TMEM245: variants seen among roughly 807,000 people sequenced by gnomAD.
The protein encoded by TMEM245 is protein CG-2.
TMEM245 carries 69 observed loss-of-function variants against 101.2 expected under a neutral mutation model. The ratio of observed to expected loss-of-function variants is 0.68; its 90% CI spans 0.56 to 0.83. The LOEUF (loss-of-function observed/expected upper bound fraction) is 0.83. Ranked by LOEUF, TMEM245 falls within the 40% of genes least tolerant of loss-of-function variation. TMEM245 has a pLI of 0.00. For synonymous variants in TMEM245, 537 were observed against 449.8 expected, an observed-to-expected ratio of 1.19 and a Z score of -2.45; for missense variants, 1,075 against 1,092.8, an observed-to-expected ratio of 0.98 and a Z score of 0.23.
At chr9:109,084,145 A>G (rs1588061389) in intron 7 of TMEM245, among the ~76,000 whole-genome samples, 1 of 152,102 alleles carries the variant, frequency 6.6e-6, no homozygotes, top group East Asian at 1.9e-4. Flanking sequence ...TTACATTTCA[A>G]TTAACCCATG....
In TMEM245 at chr9:109,119,336, C is replaced by A; in HGVS notation, c.578G>T (p.Trp193Leu). ...CRGLDYFSSLWIWTLVVGYVL... is the reference protein window; with the variant it reads ...CRGLDYFSSLLIWTLVVGYVL... ...GGGGGCGGACTGCCGCTCACTCACC[C>A]ACAGGCTGCTGAAGTAGTCCAGCCC... is the stretch of plus-strand genomic sequence containing the variant. The change falls in exon 1 of 18, where the codon TGG becomes TTG. Residue 193 changes from tryptophan (W) to leucine (L), a missense_variant and splice_region_variant. Around this residue, in one of 2 missense-constraint regions of TMEM245, gnomAD observed 808 missense variants for 741.5 expected, o/e 1.09. Transcript: ENST00000374586. 1.3e-6 allele frequency: 2 copies of A among 1,529,364 alleles called. No homozygotes were observed. Among genetic ancestry groups the A allele is most frequent in the Non-Finnish European group, 8.8e-7 (1 of 1,142,418 alleles). The allele number at this position is 1,529,364 out of a possible 1,614,324, so 94.7% of individuals were successfully genotyped here.
intron 17 of TMEM245, among the ~76,000 whole-genome samples, chr9:109,028,527 T>G (rs1827856224): frequency 6.6e-6 from 1 of 152,022 alleles, no homozygotes; most frequent in South Asian, 2.1e-4. Flanking sequence ...TCAAAAAATT[T>G]CTGATTCTGG....
chr9:109,066,452 CAAAA>C (rs386415818), intron 9 of TMEM245, among the ~76,000 whole-genome samples: 6 of 52,484 alleles, frequency 1.1e-4, no homozygotes, highest in African/African-American at 2.3e-4. Context: ...AAGACTGTCT[CAAAA>C]AAAAAAAAAA....
At position 109,114,411 on chromosome 9, in the gene TMEM245, T is replaced by C. The variant is rs532498870; in HGVS notation, c.579+4924A>G. On this transcript the variant is annotated intron_variant, in intron 1 of 17. Coordinates refer to ENST00000374586, the MANE Select transcript of TMEM245 (RefSeq NM_032012.4). ...TCCACTGCTGAAGAGCCTCTTGTGA[T>C]GTGTAAAATAGAACATCGTGAAATC... Among the ~76,000 whole-genome samples, 18 of 152,306 alleles carry C rather than the reference T, an allele frequency of 1.2e-4. No individual in the cohort carries two copies. The East Asian group carries it at 3.3e-3, about 28-fold the overall frequency.
intron 11 of TMEM245, among the ~76,000 whole-genome samples, chr9:109,058,325 C>T (rs543934167): frequency 7.3e-5 from 11 of 151,572 alleles, no homozygotes; most frequent in African/African-American, 2.7e-4. Flanking sequence ...TTTTAATTTA[C>T]CATACAAGGT....
chr9:109,058,955 G>A (rs915639386), intron 11 of TMEM245, among the ~76,000 whole-genome samples: 1 of 152,080 alleles, frequency 6.6e-6, no homozygotes, highest in Admixed American at 6.6e-5. Flanking sequence ...CTGGATTTTG[G>A]TACCAGAGGG....
intron 1 of TMEM245, among the ~76,000 whole-genome samples, chr9:109,116,148 G>C (rs1015443260): frequency 6.6e-6 from 1 of 152,156 alleles, no homozygotes; most frequent in Non-Finnish European, 1.5e-5. Context: ...ACAGGGATTC[G>C]CTTAAAGGTA....
At chr9:109,073,318 C>T (rs781708254) in intron 9 of TMEM245, 38 bp downstream of exon 9, 6 of 1,463,088 alleles carry the variant, frequency 4.1e-6, no homozygotes, top group Middle Eastern at 1.7e-4. Context: ...TGAAACTAGG[C>T]CATTCATCTC....
chr9:109,065,257 T>C (rs2132454770), intron 9 of TMEM245, among the ~76,000 whole-genome samples: 1 of 152,258 alleles, frequency 6.6e-6, no homozygotes, highest in East Asian at 1.9e-4. Context: ...CAAAGTGTGG[T>C]CCACAAACCA....
chr9:109,063,471 G>T (rs1226374690), intron 10 of TMEM245, among the ~76,000 whole-genome samples: 1 of 151,934 alleles, frequency 6.6e-6, no homozygotes, highest in African/African-American at 2.4e-5. Flanking sequence ...TATTTTTTTA[G>T]ATTTTGTTTT....
In TMEM245 at chr9:109,098,903, G is replaced by C. The variant is rs561156547; in HGVS notation, c.800-5312C>G. Among the ~76,000 whole-genome samples the C allele has an allele frequency of 2.0e-5, 3 of 152,312 alleles. No individual in the cohort carries two copies. In the South Asian group the frequency reaches 6.2e-4, roughly 32 times the overall value. On this transcript the variant is annotated intron_variant, in intron 3 of 17. Coordinates refer to ENST00000374586, the MANE Select transcript of TMEM245 (RefSeq NM_032012.4). ...CTCAGAGTCCGGCACACAAGAAAGAGACCACAGGTCAGACAGTGTCTGTTA... is the reference window on the plus strand; with the variant it reads ...CTCAGAGTCCGGCACACAAGAAAGACACCACAGGTCAGACAGTGTCTGTTA...
At chr9:109,069,200 T>A (rs1000040236) in intron 9 of TMEM245, among the ~76,000 whole-genome samples, 5 of 152,164 alleles carry the variant, frequency 3.3e-5, no homozygotes, top group African/African-American at 1.2e-4. Context: ...GCTCAGATTG[T>A]GTGCCTTTGA....
chr9:109,108,563 G>A lies in TMEM245; in HGVS notation c.587C>T (p.Thr196Met), dbSNP rs1470125557. 1.9e-6 allele frequency: 3 copies of A among 1,591,308 alleles called. No homozygotes were observed. Among genetic ancestry groups the A allele is most frequent in the Non-Finnish European group, 1.7e-6 (2 of 1,171,604 alleles). Residue 196 changes from threonine (T) to methionine (M), a missense_variant, in exon 2 of 18, where the codon ACG (threonine) becomes ATG (methionine). Physicochemically the swap from Thr to Met is moderately conservative, Grantham distance 81. Around this residue, in one of 2 missense-constraint regions of TMEM245, gnomAD observed 808 missense variants for 741.5 expected, o/e 1.09. Coordinates refer to ENST00000374586, the MANE Select transcript of TMEM245 (RefSeq NM_032012.4). The part of the protein sequence containing the change: ...LDYFSSLWIW[T>M]LVVGYVLTVS... ...AGTCAACACATAGCCAACCACCAAC[G>A]TCCAGATCTTAAATAAATGAAAGAC...
intron 5 of TMEM245, 137 bp downstream of exon 5, chr9:109,090,785 A>T: frequency 1.4e-6 from 1 of 723,908 alleles, no homozygotes; most frequent in Non-Finnish European, 2.2e-6. Context: ...GTGTTTGTTT[A>T]CTATTTAAAT....
intron 7 of TMEM245, among the ~76,000 whole-genome samples, chr9:109,083,435 T>C (rs777075194): frequency 1.1e-4 from 16 of 152,278 alleles, no homozygotes; most frequent in Admixed American, 5.2e-4. Flanking sequence ...CCCCAATCTT[T>C]CCATGCTGAA....
chr9:109,108,361 CA>C, intron 2 of TMEM245, 91 bp downstream of exon 2: 1 of 548,926 alleles, frequency 1.8e-6, no homozygotes, highest in Non-Finnish European at 3.1e-6. Flanking sequence ...CAACATATGA[CA>C]CTACAAAAAA....
chr9:109,109,086 C>T (rs535466139), intron 1 of TMEM245, among the ~76,000 whole-genome samples: 1 of 152,122 alleles, frequency 6.6e-6, no homozygotes, highest in Admixed American at 6.5e-5. Context: ...TGAAGTGTGA[C>T]CCTGCTGAAA....
chr9:109,076,021 T>C (rs1002068448), intron 8 of TMEM245, among the ~76,000 whole-genome samples: 6 of 152,230 alleles, frequency 3.9e-5, no homozygotes, highest in African/African-American at 9.6e-5. Context: ...CCCACAAATT[T>C]TGATATGCAG....
chr9:109,103,094 T>C (rs1033507892), intron 3 of TMEM245, among the ~76,000 whole-genome samples: 1 of 152,218 alleles, frequency 6.6e-6, no homozygotes, highest in Non-Finnish European at 1.5e-5. Flanking sequence ...AACTTTGTAC[T>C]AGAAATTCCA....
Sources: allele counts gnomAD v4.1 joint callset (sites outside exome capture counted in the v4.1 genomes callset), GRCh38; gene constraint gnomAD v4.1.1; regional missense constraint gnomAD v4.1.1; transcripts MANE v1.5; gene names NCBI Gene and HGNC (gene_info 2026-07-23, HGNC 2026-07-21).